The following AKAP8 variants were observed in gnomAD, a reference collection of about 807,000 sequenced individuals.
The protein encoded by AKAP8 is A-kinase anchor protein 8.
Under a neutral mutation model 67.5 loss-of-function variants are expected in AKAP8, and 24 were observed. The ratio of observed to expected loss-of-function variants is 0.36; its 90% CI spans 0.26 to 0.50. AKAP8 has a LOEUF of 0.50. Ranked by LOEUF, AKAP8 falls within the 20% of genes least tolerant of loss-of-function variation. The pLI is 0.97. For missense variants in AKAP8, 971 were observed against 955.9 expected, an observed-to-expected ratio of 1.02 and a Z score of -0.21; for synonymous variants, 400 against 371.1, an observed-to-expected ratio of 1.08 and a Z score of -0.90.
rs550241479 is a variant in AKAP8 at position 15,353,564 on chromosome 19, G to C, written c.*1351C>G. 3 of 152,086 alleles carry C rather than the reference G, an allele frequency of 2.0e-5. No individual in the cohort carries two copies. The South Asian group carries it at 6.2e-4, about 32-fold the overall frequency. The allele number at this position is 152,086 out of a possible 1,614,324, so 9.4% of individuals were successfully genotyped here. On this transcript the variant is annotated 3_prime_UTR_variant, in exon 14 of 14. Transcript: ENST00000269701. ...TATTTCCATTTTCAGTTCTAATGTT[G>C]ACTTTTTCATAAATATTCACCTGGA...
chr19:15,376,194 G>C (rs1010352142), intron 2 of AKAP8, among the ~76,000 whole-genome samples: 1 of 152,136 alleles, frequency 6.6e-6, no homozygotes, highest in Non-Finnish European at 1.5e-5. Context: ...TGCTGGGATT[G>C]CAGGCGTGTG....
Position 15,379,755 on chromosome 19 carries a change from GC to G in AKAP8, c.-25del. On this transcript the variant is annotated 5_prime_UTR_variant, in exon 1 of 14. Coordinates refer to ENST00000269701, the MANE Select transcript of AKAP8 (RefSeq NM_005858.4). ...ATGTCTTCGACGCGGCCCACCAGCA[GC>G]CCCGTTTACTAGGCGACCACAGCAC... 1 of 1,610,488 alleles carries G rather than the reference GC, an allele frequency of 6.2e-7. No homozygotes were observed. The highest frequency in any genetic ancestry group is 8.5e-7 in the Non-Finnish European group (1 of 1,178,732).
chr19:15,377,074 G>A, intron 1 of AKAP8, 60 bp from the exon 2 acceptor site: 5 of 1,572,326 alleles, frequency 3.2e-6, no homozygotes, highest in South Asian at 1.2e-5. Context: ...GGGTCCTTTT[G>A]GGGGTACTCC....
intron 9 of AKAP8, among the ~76,000 whole-genome samples, chr19:15,366,410 T>C (rs1967071275): frequency 1.3e-5 from 2 of 152,208 alleles, no homozygotes; most frequent in Non-Finnish European, 2.9e-5. Flanking sequence ...AGGGTTTCAA[T>C]GTTCCTGTAC....
chr19:15,366,154 G>GAAAAAAAA (rs374068497), intron 9 of AKAP8, among the ~76,000 whole-genome samples: 27 of 94,922 alleles, frequency 2.8e-4, no homozygotes, highest in Admixed American at 4.2e-4. Context: ...AAAGCAAAAA[G>GAAAAAAAA]AAAAAAAAAA....
Position 15,361,842 on chromosome 19 carries a change from G to A in AKAP8, c.1303-20C>T, listed in dbSNP as rs769620923. 1.9e-6 allele frequency: 3 copies of A among 1,600,218 alleles called. No homozygotes were observed. Among genetic ancestry groups the A allele is most frequent in the Admixed American group, 1.7e-5 (1 of 59,870 alleles). On this transcript the variant is annotated intron_variant, in intron 10 of 13. Coordinates refer to ENST00000269701, the MANE Select transcript of AKAP8 (RefSeq NM_005858.4). ...GTATTCCTAGGTGGGATTGGAGAGG[G>A]CATAAAGTAAAATGAGAGGTGGGCG...
chr19:15,359,087 T>C (rs1439386323), intron 12 of AKAP8, 25 bp from the exon 13 acceptor site: 1 of 1,602,884 alleles, frequency 6.2e-7, no homozygotes, highest in East Asian at 2.2e-5. Flanking sequence ...AAATGTGAGC[T>C]CTTAAAAATG....
Position 15,355,246 on chromosome 19 carries a change from G to T in AKAP8, c.1748C>A (p.Thr583Lys). 6.2e-7 allele frequency: 1 copy of T among 1,612,092 alleles called. No individual in the cohort carries two copies. Residue 583 changes from threonine (T) to lysine (K), a missense_variant, in exon 14 of 14, where the codon ACA becomes AAA. Physicochemically the swap from Thr to Lys is moderately conservative, Grantham distance 78 (BLOSUM62 -1). Transcript: ENST00000269701. The part of the protein sequence containing the change: ...VAADVLAEVI[T>K]AAVRAVDGEG... ...CCCATCTACGGCCCTCACTGCTGCT[G>T]TAATCACCTCTGCTAAGACGTCCGC... is the stretch of plus-strand genomic sequence containing the variant.
Position 15,354,927 on chromosome 19 carries a change from A to T in AKAP8, c.2067T>A (p.Val689=). Residue 689 remains valine, a synonymous_variant, in exon 14 of 14, where the codon GTT becomes GTA. Coordinates refer to ENST00000269701, the MANE Select transcript of AKAP8 (RefSeq NM_005858.4). Reference sequence around the variant, plus strand: ...AGGGAAATGAGCATCATTCTGTGGGAACAGCGTCTTTAGACTCTGCATCAG... The same window carrying T: ...AGGGAAATGAGCATCATTCTGTGGGTACAGCGTCTTTAGACTCTGCATCAG... ...EQTDAESKDA[V]PTE 6.2e-7 allele frequency: 1 copy of T among 1,613,762 alleles called. No homozygotes were observed. The highest frequency in any genetic ancestry group is 8.5e-7 in the Non-Finnish European group (1 of 1,179,792).
chr19:15,355,788 G>C (rs924620529), intron 13 of AKAP8, among the ~76,000 whole-genome samples: 3 of 151,480 alleles, frequency 2.0e-5, no homozygotes, highest in Non-Finnish European at 4.4e-5. Flanking sequence ...CCAGGATGGA[G>C]TGCAATGGCG....
At chr19:15,371,016 T>C (rs1453459818) in intron 7 of AKAP8, among the ~76,000 whole-genome samples, 1 of 152,178 alleles carries the variant, frequency 6.6e-6, no homozygotes, top group African/African-American at 2.4e-5. Flanking sequence ...CCTTAGGCAG[T>C]GAACATACGG....
intron 1 of AKAP8, chr19:15,379,479 C>G (rs531963464): frequency 3.3e-4 from 160 of 483,350 alleles, no homozygotes; most frequent in Non-Finnish European, 4.2e-4. Flanking sequence ...TGCCCCAACC[C>G]CGAGTCCCGC....
At chr19:15,366,914 C>T (rs1967080344) in intron 9 of AKAP8, among the ~76,000 whole-genome samples, 1 of 149,106 alleles carries the variant, frequency 6.7e-6, no homozygotes, top group African/African-American at 2.5e-5. Flanking sequence ...CAGCCCGTTT[C>T]TTTTTCTTTT....
chr19:15,360,367 T>A (rs1373497344), intron 12 of AKAP8, among the ~76,000 whole-genome samples: 5 of 152,234 alleles, frequency 3.3e-5, no homozygotes, highest in Admixed American at 6.5e-5. Context: ...GAGCTGTTGC[T>A]GGATAGGGCC....
At chr19:15,362,557 G>A (rs1362713605) in intron 9 of AKAP8, among the ~76,000 whole-genome samples, 5 of 151,660 alleles carry the variant, frequency 3.3e-5, no homozygotes, top group Admixed American at 1.3e-4. Flanking sequence ...ACGGGGTTTC[G>A]CTGTGTTGGC....
At chr19:15,362,493 G>C (rs1202194881) in intron 9 of AKAP8, among the ~76,000 whole-genome samples, 1 of 151,114 alleles carries the variant, frequency 6.6e-6, no homozygotes, top group African/African-American at 2.4e-5. Context: ...TACTGCCTGC[G>C]ATTGCAGGCG....
In AKAP8 at chr19:15,361,754, T is replaced by C. The variant is rs1966970521; in HGVS notation, c.1371A>G (p.Ala457=). 1.2e-6 allele frequency: 2 copies of C among 1,613,852 alleles called. No homozygotes were observed. The highest frequency in any genetic ancestry group is 1.3e-5 in the African/African-American group (1 of 74,920). ...CTTTGAAAGGATCTGGTTTTGGTTTTGCGGTTTCTTTCTCCATCAATTCCT... is the reference window on the plus strand; with the variant it reads ...CTTTGAAAGGATCTGGTTTTGGTTTCGCGGTTTCTTTCTCCATCAATTCCT... The part of the protein sequence containing the change: ...RRQELMEKET[A]KPKPDPFKGI... The change falls in exon 11 of 14, where the codon GCA becomes GCG. Residue 457 remains alanine (A), a synonymous_variant. Coordinates refer to ENST00000269701, the MANE Select transcript of AKAP8 (RefSeq NM_005858.4).
intron 13 of AKAP8, among the ~76,000 whole-genome samples, chr19:15,357,794 A>ACCT (rs1030294481): frequency 1.4e-5 from 2 of 146,728 alleles, no homozygotes; most frequent in Non-Finnish European, 3.0e-5. Flanking sequence ...GCTCACTGCA[A>ACCT]CCTCCGCCTC....
intron 8 of AKAP8, 35 bp downstream of exon 8, chr19:15,370,111 C>T (rs1408967147): frequency 6.2e-7 from 1 of 1,613,608 alleles, no homozygotes; most frequent in Non-Finnish European, 8.5e-7. Flanking sequence ...GCTGGGAAGA[C>T]ACAGGAAAGC....
Sources: allele counts gnomAD v4.1 joint callset (sites outside exome capture counted in the v4.1 genomes callset), GRCh38; gene constraint gnomAD v4.1.1; transcripts MANE v1.5; gene names NCBI Gene and HGNC (gene_info 2026-07-23, HGNC 2026-07-21).